R3HDM2: variants seen among roughly 807,000 people sequenced by gnomAD.
R3HDM2 encodes the protein R3H domain containing 2.
Under a neutral mutation model 124.5 loss-of-function variants are expected in R3HDM2, and 38 were observed. The ratio of observed to expected loss-of-function variants is 0.31; its 90% confidence interval spans 0.24 to 0.40. The LOEUF is 0.40. Among genes scored for constraint, R3HDM2 ranks in the 10% least tolerant of loss-of-function variants. The pLI, the probability that R3HDM2 is intolerant of heterozygous loss-of-function variation, is 1.00. For synonymous variants in R3HDM2, 391 were observed against 448.0 expected, an observed-to-expected ratio of 0.87 and a Z score of 1.61; for missense variants, 869 against 1,236.9, an observed-to-expected ratio of 0.70 and a Z score of 4.46.
chr12:57,407,745 C>G (rs878937485), intron 1 of R3HDM2, among the ~76,000 whole-genome samples: 1 of 151,600 alleles, frequency 6.6e-6, no homozygotes, highest in Non-Finnish European at 1.5e-5. Context: ...TTTTTAAAGT[C>G]CTTATTTTTG....
At chr12:57,324,902 T>C (rs1378697778) in intron 2 of R3HDM2, among the ~76,000 whole-genome samples, 3 of 152,124 alleles carry the variant, frequency 2.0e-5, no homozygotes, top group Non-Finnish European at 4.4e-5. Context: ...ATGAAGCTGT[T>C]AGGGTGGGTC....
In R3HDM2 at chr12:57,395,751, G is replaced by T; in HGVS notation, c.-38C>A. ...CCATAAATGTTATCTATTATTACCTGAATAAATGCTCAGCCTCCATGAGTC... is the reference window on the plus strand; with the variant it reads ...CCATAAATGTTATCTATTATTACCTTAATAAATGCTCAGCCTCCATGAGTC... On this transcript the variant is annotated splice_region_variant and 5_prime_UTR_variant, in exon 2 of 24. Transcript: ENST00000402412. 1.0e-6 allele frequency: 1 copy of T among 981,390 alleles called. No individual in the cohort carries two copies. The highest frequency in any genetic ancestry group is 1.2e-6 in the Non-Finnish European group (1 of 826,820). The allele number at this position is 981,390 out of a possible 1,614,324, so 60.8% of individuals were successfully genotyped here.
chr12:57,404,461 G>A (rs1172008218), intron 1 of R3HDM2, among the ~76,000 whole-genome samples: 3 of 149,674 alleles, frequency 2.0e-5, no homozygotes, highest in Admixed American at 6.6e-5. Context: ...ACTTTGGGAG[G>A]CCGAGGAGGG....
intron 1 of R3HDM2, among the ~76,000 whole-genome samples, chr12:57,396,728 A>G (rs2067564542): frequency 6.8e-6 from 1 of 147,132 alleles, no homozygotes; most frequent in African/African-American, 2.5e-5. Context: ...CAGTGAGCTG[A>G]GATCATGCCA....
intron 11 of R3HDM2, among the ~76,000 whole-genome samples, chr12:57,291,899 T>G (rs1031911676): frequency 6.6e-6 from 1 of 152,236 alleles, no homozygotes; most frequent in South Asian, 2.1e-4. Context: ...GTACCAAGTA[T>G]ATTTGATATA....
intron 14 of R3HDM2, among the ~76,000 whole-genome samples, chr12:57,275,432 C>T (rs753963245): frequency 6.6e-6 from 1 of 151,096 alleles, no homozygotes; most frequent in African/African-American, 2.4e-5. Context: ...GACCAAGAAC[C>T]CAAAACCAAA....
At chr12:57,404,820 C>G (rs1354697617) in intron 1 of R3HDM2, among the ~76,000 whole-genome samples, 1 of 151,870 alleles carries the variant, frequency 6.6e-6, no homozygotes, top group Admixed American at 6.6e-5. Flanking sequence ...GAGTTCAATA[C>G]CAGCTTGAAA....
chr12:57,327,759 G>A (rs1481671396), intron 2 of R3HDM2, among the ~76,000 whole-genome samples: 1 of 152,218 alleles, frequency 6.6e-6, no homozygotes, highest in Non-Finnish European at 1.5e-5. Context: ...AGTAGAGCCT[G>A]AAGATGTGAC....
intron 2 of R3HDM2, among the ~76,000 whole-genome samples, chr12:57,360,247 C>G (rs1182445203): frequency 6.6e-6 from 1 of 151,152 alleles, no homozygotes; most frequent in African/African-American, 2.4e-5. Context: ...AGGCTGGTCT[C>G]GAACTCCGGA....
At chr12:57,271,843 A>G (rs2137507251) in intron 14 of R3HDM2, among the ~76,000 whole-genome samples, 1 of 152,222 alleles carries the variant, frequency 6.6e-6, no homozygotes, top group East Asian at 1.9e-4. Context: ...ATGGTAAAAC[A>G]GGGGAACAGT....
chr12:57,418,194 C>A, intron 1 of R3HDM2: 1 of 985,410 alleles, frequency 1.0e-6, no homozygotes, highest in Non-Finnish European at 1.2e-6. Context: ...ACCTGAGCGT[C>A]ATCCATCCAC....
intron 2 of R3HDM2, among the ~76,000 whole-genome samples, chr12:57,373,754 G>C (rs1283499796): frequency 6.7e-6 from 1 of 148,762 alleles, no homozygotes; most frequent in Non-Finnish European, 1.5e-5. Flanking sequence ...CAGAGGTTGG[G>C]GTGAGCTGAG....
chr12:57,304,490 G>A, intron 3 of R3HDM2: 1 of 982,366 alleles, frequency 1.0e-6, no homozygotes, highest in Non-Finnish European at 1.2e-6. Context: ...GCCTTGGGTA[G>A]GTGAGGATTT....
At chr12:57,255,313 T>A (rs904861902) in intron 23 of R3HDM2, among the ~76,000 whole-genome samples, 200 bp from the exon 24 acceptor site, 3 of 152,184 alleles carry the variant, frequency 2.0e-5, no homozygotes, top group African/African-American at 4.8e-5. Context: ...CAAATGAACC[T>A]TTCTATTCTC....
chr12:57,398,495 T>TC (rs1491047196), intron 1 of R3HDM2, among the ~76,000 whole-genome samples: 2 of 141,152 alleles, frequency 1.4e-5, no homozygotes, highest in East Asian at 2.0e-4. Context: ...TTTCTCTCTC[T>TC]TTTTTTTTTT....
chr12:57,338,260 A>G (rs1426388502), intron 2 of R3HDM2, among the ~76,000 whole-genome samples: 3 of 152,144 alleles, frequency 2.0e-5, no homozygotes, highest in African/African-American at 7.2e-5. Flanking sequence ...CCAAGATCGC[A>G]CCATTGCACT....
At chr12:57,372,510 C>T (rs1208065458) in intron 2 of R3HDM2, among the ~76,000 whole-genome samples, 1 of 152,086 alleles carries the variant, frequency 6.6e-6, no homozygotes, top group African/African-American at 2.4e-5. Context: ...GGCACGCAAA[C>T]CAAATGCCAA....
At chr12:57,269,106 T>C (rs768452111) in intron 16 of R3HDM2, 24 bp from the exon 17 acceptor site, 4 of 1,612,992 alleles carry the variant, frequency 2.5e-6, no homozygotes, top group East Asian at 2.2e-5. Flanking sequence ...AGGCAGAAAA[T>C]ACATTAGTAT....
At chr12:57,302,804 AAAG>A (rs1281227369) in intron 4 of R3HDM2, among the ~76,000 whole-genome samples, 3 of 151,932 alleles carry the variant, frequency 2.0e-5, no homozygotes, top group African/African-American at 4.8e-5. Context: ...AAAAAAAAAA[AAAG>A]AAGGGGGAAT....
Sources: allele counts gnomAD v4.1 joint callset (sites outside exome capture counted in the v4.1 genomes callset), GRCh38; gene constraint gnomAD v4.1.1; transcripts MANE v1.5; gene names NCBI Gene and HGNC (gene_info 2026-07-23, HGNC 2026-07-21).